BCAR3: variants seen among roughly 807,000 people sequenced by gnomAD.
BCAR3 encodes breast cancer anti-estrogen resistance protein 3.
BCAR3 carries 37 observed loss-of-function variants against 80.1 expected under a neutral mutation model. That is an observed-to-expected ratio of 0.46 (90% CI 0.36 to 0.61). The LOEUF (loss-of-function observed/expected upper bound fraction) is 0.61, where lower values mean the gene tolerates loss of function less well. Ranked by LOEUF, BCAR3 falls within the 20% of genes least tolerant of loss-of-function variation. The pLI, the probability that BCAR3 is intolerant of heterozygous loss-of-function variation, is 0.00. For missense variants in BCAR3, 978 were observed against 1,068.2 expected (o/e 0.92, Z 1.18); for synonymous variants, 389 against 418.9 (o/e 0.93, Z 0.87).
intron 2 of BCAR3, among the ~76,000 whole-genome samples, chr1:93,665,518 T>C (rs1300841863): frequency 6.6e-6 from 1 of 152,194 alleles, no homozygotes; most frequent in African/African-American, 2.4e-5. Context: ...TGTGCTGGGA[T>C]TCCTCTGAGG....
chr1:93,754,279 T>G (rs1234774614), intron 2 of BCAR3: 1 of 152,220 alleles, frequency 6.6e-6, no homozygotes, highest in African/African-American at 2.4e-5. Flanking sequence ...TGGATTCCTC[T>G]AGCTTTGGTG....
intron 2 of BCAR3, among the ~76,000 whole-genome samples, chr1:93,776,253 G>A (rs769888390): frequency 1.4e-4 from 22 of 152,068 alleles, no homozygotes; most frequent in African/African-American, 4.3e-4. Flanking sequence ...GAAAATGTCC[G>A]CATATGAAGC....
Position 93,753,297 on chromosome 1 carries a change from C to G in BCAR3, c.-62-47155G>C, listed in dbSNP as rs983554871. On this transcript the variant is annotated intron_variant, in intron 2 of 13. Coordinates refer to the BCAR3 transcript ENST00000370244. ...AGCTGTGTTGCACCCAACTTCATAA[C>G]AGTGAAGAATAAAGATGCAGCTACA... is the stretch of plus-strand genomic sequence containing the variant. The G allele has an allele frequency of 2.6e-5, 4 of 152,186 alleles. No homozygotes were observed. In the East Asian group the frequency reaches 5.8e-4, roughly 22 times the overall value. 9.4% of individuals were successfully genotyped at this position (152,186 alleles called of 1,614,324 possible). A position where few individuals can be genotyped will look rare whatever the true frequency, so the allele number is the denominator to read the frequency against.
intron 2 of BCAR3, among the ~76,000 whole-genome samples, chr1:93,790,614 CTTT>C (rs781591266): frequency 1.1e-5 from 1 of 90,412 alleles, no homozygotes. Flanking sequence ...CACTTATAGT[CTTT>C]TTTTTTTTTT....
intron 3 of BCAR3, among the ~76,000 whole-genome samples, chr1:93,622,503 T>C (rs1675343750): frequency 6.6e-6 from 1 of 152,048 alleles, no homozygotes; most frequent in Non-Finnish European, 1.5e-5. Context: ...CCATCAGAGG[T>C]CCTATTCCGC....
intron 2 of BCAR3, among the ~76,000 whole-genome samples, chr1:93,728,626 C>G (rs1440502441): frequency 2.0e-5 from 3 of 152,170 alleles, no homozygotes; most frequent in Non-Finnish European, 4.4e-5. Flanking sequence ...GCTGCCCGGG[C>G]TCTCCTCCAA....
chr1:93,704,800 G>A (rs908225134), intron 3 of BCAR3, among the ~76,000 whole-genome samples: 1 of 152,192 alleles, frequency 6.6e-6, no homozygotes, highest in Non-Finnish European at 1.5e-5. Context: ...CCAACTAGGA[G>A]AGCAGCAATT....
chr1:93,683,317 A>G (rs995531701), upstream of BCAR3, among the ~76,000 whole-genome samples: 1 of 152,214 alleles, frequency 6.6e-6, no homozygotes, highest in Non-Finnish European at 1.5e-5. Context: ...ACCACCCAGA[A>G]TGACTAAAAT....
intron 2 of BCAR3, among the ~76,000 whole-genome samples, chr1:93,803,651 C>T (rs1349846331): frequency 1.3e-5 from 2 of 152,138 alleles, no homozygotes; most frequent in African/African-American, 4.8e-5. Context: ...CTGCTAGAAT[C>T]CTGCCAACTA....
intron 3 of BCAR3, among the ~76,000 whole-genome samples, chr1:93,626,211 C>G (rs1236344882): frequency 2.0e-5 from 3 of 152,158 alleles, no homozygotes; most frequent in Non-Finnish European, 4.4e-5. Context: ...GATTGACTCT[C>G]AATTTTTTCC....
intron 2 of BCAR3, among the ~76,000 whole-genome samples, chr1:93,796,494 A>C (rs1424957193): frequency 6.7e-6 from 1 of 149,336 alleles, no homozygotes; most frequent in Non-Finnish European, 1.5e-5. Context: ...AGGTGAGGCA[A>C]TGCCTCCCCC....
intron 7 of BCAR3, among the ~76,000 whole-genome samples, chr1:93,578,675 G>A (rs1435876344): frequency 2.0e-5 from 3 of 152,134 alleles, no homozygotes; most frequent in Non-Finnish European, 4.4e-5. Flanking sequence ...TTCCCCTGCA[G>A]GGCGTTTCCC....
chr1:93,706,991 A>G (rs1270172929), intron 2 of BCAR3, among the ~76,000 whole-genome samples: 1 of 152,184 alleles, frequency 6.6e-6, no homozygotes, highest in Non-Finnish European at 1.5e-5. Context: ...CCTGGCCAAC[A>G]TGGTGAAACC....
rs931661829 is a variant in BCAR3, at chr1:93,583,233, T to C, written c.1034-280A>G. Among the ~76,000 whole-genome samples the C allele has an allele frequency of 1.4e-4, 21 of 152,114 alleles. 3 individuals are homozygous for C. The highest frequency in any genetic ancestry group is 1.2e-3 in the Admixed American group (19 of 15,290). On this transcript the variant is annotated intron_variant, in intron 6 of 11. Coordinates refer to ENST00000260502, the MANE Select transcript of BCAR3 (RefSeq NM_003567.4). Reference sequence around the variant, plus strand: ...CTGGGCTACAAATGTTGTATGGTCATAGAAGGCTGGGACAGTCAGAATGAT... The same window carrying C: ...CTGGGCTACAAATGTTGTATGGTCACAGAAGGCTGGGACAGTCAGAATGAT...
chr1:93,676,610 A>G (rs1648500102), intron 1 of BCAR3, among the ~76,000 whole-genome samples: 1 of 152,202 alleles, frequency 6.6e-6, no homozygotes. Context: ...GCACACTGTC[A>G]GCACTTGCTC....
chr1:93,839,901 T>C (rs995641898), intron 2 of BCAR3, among the ~76,000 whole-genome samples: 1 of 152,148 alleles, frequency 6.6e-6, no homozygotes, highest in African/African-American at 2.4e-5. Flanking sequence ...CTTAGTAAAA[T>C]ACAGATTTGA....
At chr1:93,579,088 G>T (rs568562899) in intron 7 of BCAR3, among the ~76,000 whole-genome samples, 5 of 152,276 alleles carry the variant, frequency 3.3e-5, no homozygotes, top group East Asian at 1.9e-4. Context: ...AGGCCCTTGG[G>T]GGGTGGGGGC....
rs533866019 is a variant in BCAR3 at position 93,842,908 on chromosome 1, G to A, written c.-63+2659C>T. ...CCCTGTTCCTGCCTGGCCACCTAAT[G>A]TGGTTTGGCTATTGGCCTGGCTCAG... On this transcript the variant is annotated intron_variant, in intron 2 of 13. Coordinates refer to the BCAR3 transcript ENST00000370244. 7.2e-5 allele frequency among the ~76,000 whole-genome samples: 11 copies of A among 152,248 alleles called. No homozygotes were observed. The East Asian group carries it at 1.4e-3, about 19-fold the overall frequency.
chr1:93,677,430 G>A (rs1203012402), intron 1 of BCAR3, among the ~76,000 whole-genome samples: 1 of 152,136 alleles, frequency 6.6e-6, no homozygotes, highest in African/African-American at 2.4e-5. Context: ...GGACTTGACT[G>A]GAAGTGCTAG....
Sources: gnomAD v4.1 joint callset for allele counts (sites outside exome capture counted in the v4.1 genomes callset) on GRCh38, gnomAD v4.1.1 for gene constraint, MANE v1.5 for transcripts, NCBI Gene and HGNC (gene_info 2026-07-23, HGNC 2026-07-21) for gene names.